Variants in ROS1 observed in about 807,000 individuals in gnomAD.
ROS1 encodes ROS proto-oncogene 1, receptor tyrosine kinase.
Under a neutral mutation model 273.5 loss-of-function variants are expected in ROS1, and 263 were observed. The ratio of observed to expected loss-of-function variants is 0.96; its 90% confidence interval spans 0.87 to 1.06. The LOEUF is 1.06. Ranked by LOEUF, ROS1 falls within the 50% of genes least tolerant of loss-of-function variation. ROS1 has a pLI of 0.00. For synonymous variants in ROS1, 1,008 were observed against 954.1 expected, an observed-to-expected ratio of 1.06 and a Z score of -1.04; for missense variants, 2,833 against 2,751.1, an observed-to-expected ratio of 1.03 and a Z score of -0.67.
intron 18 of ROS1, among the ~76,000 whole-genome samples, chr6:117,375,839 A>T (rs894390369): frequency 6.6e-6 from 1 of 152,130 alleles, no homozygotes; most frequent in African/African-American, 2.4e-5. Flanking sequence ...ACATTAACCA[A>T]AAAGAACAAT....
intron 41 of ROS1, among the ~76,000 whole-genome samples, chr6:117,309,184 T>C (rs1421532090): frequency 6.6e-6 from 1 of 152,038 alleles, no homozygotes; most frequent in Non-Finnish European, 1.5e-5. Context: ...AGAGACAGAC[T>C]CATATGCATG....
intron 4 of ROS1, among the ~76,000 whole-genome samples, chr6:117,413,209 C>T (rs1324778161): frequency 6.6e-6 from 1 of 152,120 alleles, no homozygotes; most frequent in Non-Finnish European, 1.5e-5. Context: ...TACTGCTTCC[C>T]CAGGCTTCTG....
chr6:117,314,798 T>C (rs1775791216), intron 39 of ROS1, among the ~76,000 whole-genome samples: 1 of 152,102 alleles, frequency 6.6e-6, no homozygotes, highest in Non-Finnish European at 1.5e-5. Context: ...AGGGAAAAGA[T>C]TCAGTTACTG....
Position 117,362,877 on chromosome 6 carries a change from A to AT in ROS1, c.3104-13_3104-12insA, listed in dbSNP as rs1470673303. ...TGGTGCTGATGGAACTGAAAAGTAG[A>AT]GGCACAGGTAGAGCAGAAAAGAATA... On this transcript the variant is annotated splice_polypyrimidine_tract_variant and intron_variant, in intron 21 of 43. Coordinates refer to ENST00000368507, the MANE Select transcript of ROS1 (RefSeq NM_001378902.1). 6.3e-7 allele frequency: 1 copy of AT among 1,595,648 alleles called. No homozygotes were observed. Among genetic ancestry groups the AT allele is most frequent in the African/African-American group, 1.4e-5 (1 of 74,010 alleles).
At chr6:117,402,888 CAAAA>C (rs10617636) in intron 7 of ROS1, among the ~76,000 whole-genome samples, 20 of 113,874 alleles carry the variant, frequency 1.8e-4, no homozygotes, top group African/African-American at 2.2e-4. Context: ...ACTCTGTCTC[CAAAA>C]AAAAAAAAAA....
At chr6:117,401,119 C>A (rs190192418) in intron 7 of ROS1, among the ~76,000 whole-genome samples, 41 of 152,162 alleles carry the variant, frequency 2.7e-4, no homozygotes, top group African/African-American at 9.4e-4. Flanking sequence ...CATTCAGCCA[C>A]CCCAACAGCT....
chr6:117,421,370 C>T (rs1366430137), intron 1 of ROS1, among the ~76,000 whole-genome samples: 1 of 151,726 alleles, frequency 6.6e-6, no homozygotes, highest in Admixed American at 6.6e-5. Context: ...AAGTAGTATA[C>T]ATTGTACCCA....
At chr6:117,416,473 T>G (rs1037229943) in intron 2 of ROS1, among the ~76,000 whole-genome samples, 156 bp from the exon 3 acceptor site, 3 of 152,306 alleles carry the variant, frequency 2.0e-5, no homozygotes, top group Non-Finnish European at 4.4e-5. Flanking sequence ...TCCAGGATTT[T>G]GGGATTCCAA....
intron 17 of ROS1, among the ~76,000 whole-genome samples, chr6:117,379,760 C>T (rs1226149502): frequency 1.3e-5 from 2 of 152,116 alleles, no homozygotes; most frequent in Non-Finnish European, 2.9e-5. Context: ...CAACGTGCCA[C>T]CAATGGTTTA....
intron 35 of ROS1, among the ~76,000 whole-genome samples, chr6:117,323,015 C>A (rs1278577617): frequency 6.6e-6 from 1 of 152,150 alleles, no homozygotes; most frequent in East Asian, 1.9e-4. Flanking sequence ...ATGTAATTCT[C>A]CTTCCCAGTA....
At chr6:117,400,082 A>G (rs1773820818) in intron 7 of ROS1, among the ~76,000 whole-genome samples, 1 of 152,160 alleles carries the variant, frequency 6.6e-6, no homozygotes, top group African/African-American at 2.4e-5. Flanking sequence ...CCTGTATTCT[A>G]TGCTTCCAGC....
chr6:117,319,512 T>A (rs912178420), intron 37 of ROS1, among the ~76,000 whole-genome samples: 12 of 152,150 alleles, frequency 7.9e-5, no homozygotes, highest in African/African-American at 2.9e-4. Context: ...CTAAAATACT[T>A]ACTATCTGCC....
intron 42 of ROS1, chr6:117,301,421 A>G: frequency 3.9e-6 from 1 of 254,424 alleles, no homozygotes; most frequent in Non-Finnish European, 7.5e-6. Context: ...TATCTACTCA[A>G]CACTCAACTA....
chr6:117,301,895 T>C (rs1174950183), intron 42 of ROS1: 2 of 152,206 alleles, frequency 1.3e-5, no homozygotes, highest in African/African-American at 4.8e-5. Flanking sequence ...TTAAACATTA[T>C]CTTTTCCTTA....
chr6:117,325,343 T>C (rs1381528205), intron 34 of ROS1, among the ~76,000 whole-genome samples: 1 of 152,164 alleles, frequency 6.6e-6, no homozygotes, highest in Non-Finnish European at 1.5e-5. Context: ...TGGGGACCTG[T>C]ATTCTAGGCT....
intron 12 of ROS1, 140 bp downstream of exon 12, chr6:117,393,084 C>G: frequency 1.4e-6 from 1 of 690,530 alleles, no homozygotes. Flanking sequence ...AAAACTTTGC[C>G]TGAATTTAAT....
chr6:117,385,275 C>T (rs1772468425), intron 16 of ROS1, among the ~76,000 whole-genome samples: 1 of 152,154 alleles, frequency 6.6e-6, no homozygotes, highest in South Asian at 2.1e-4. Context: ...TGAGATGAGG[C>T]CGGGAGCGGT....
In ROS1 at chr6:117,310,284, G is replaced by C. The variant is rs772504434; in HGVS notation, c.6216-3C>G. 7 of 1,580,836 alleles carry C rather than the reference G, an allele frequency of 4.4e-6. No individual in the cohort carries two copies. The highest frequency in any genetic ancestry group is 5.2e-6 in the Non-Finnish European group (6 of 1,160,832). On this transcript the variant is annotated splice_region_variant and splice_polypyrimidine_tract_variant and intron_variant, in intron 40 of 43. Transcript: ENST00000368507. Reference sequence around the variant, plus strand: ...GGCAATTTCTAGCTGCCAGATCCCTGTGGCAGAAGTTATATTTAATAATAA... The same window carrying C: ...GGCAATTTCTAGCTGCCAGATCCCTCTGGCAGAAGTTATATTTAATAATAA...
At chr6:117,371,038 G>A (rs1395066679) in intron 18 of ROS1, among the ~76,000 whole-genome samples, 1 of 152,210 alleles carries the variant, frequency 6.6e-6, no homozygotes, top group Non-Finnish European at 1.5e-5. Flanking sequence ...CACTTTAAAT[G>A]TAAAGACTCA....
Sources: gnomAD v4.1 joint callset for allele counts (sites outside exome capture counted in the v4.1 genomes callset) on GRCh38, gnomAD v4.1.1 for gene constraint, MANE v1.5 for transcripts, NCBI Gene and HGNC (gene_info 2026-07-23, HGNC 2026-07-21) for gene names.